Variants in NCOA2 observed in about 807,000 individuals in gnomAD.
The protein encoded by NCOA2 is class E basic helix-loop-helix protein 75.
A neutral mutation model predicts 145.1 loss-of-function variants in NCOA2; 21 were observed. The observed-to-expected ratio is 0.14, with a 90% confidence interval of 0.10 to 0.21. The LOEUF (loss-of-function observed/expected upper bound fraction) is 0.21, where lower values mean the gene tolerates loss of function less well. Ranked by LOEUF, NCOA2 falls within the 10% of genes least tolerant of loss-of-function variation. The probability of loss-of-function intolerance (pLI) is 1.00; values close to 1 mark genes in which losing one functional copy is unlikely to be tolerated. For synonymous variants in NCOA2, 619 were observed against 637.5 expected, an observed-to-expected ratio of 0.97 and a Z score of 0.44; for missense variants, 1,472 against 1,837.6, an observed-to-expected ratio of 0.80 and a Z score of 3.64.
At chr8:70,216,510 T>C (rs904193190) in intron 3 of NCOA2, 150 bp downstream of exon 3, 2 of 628,964 alleles carry the variant, frequency 3.2e-6, no homozygotes, top group Non-Finnish European at 5.7e-6. Flanking sequence ...ATTCAAAATG[T>C]AAGCAAGTAC....
At chr8:70,447,366 T>C in the NCOA2 span, among the ~76,000 whole-genome samples, 85,841 of 151,952 alleles carry the variant, frequency 0.56, 25,569 homozygotes, top group African/African-American at 0.75. Flanking sequence ...CATGACAAGC[T>C]CAGGCAATAA....
At chr8:70,349,200 G>A (rs938486518) in intron 1 of NCOA2, among the ~76,000 whole-genome samples, 5 of 151,660 alleles carry the variant, frequency 3.3e-5, no homozygotes, top group Admixed American at 2.6e-4. Context: ...GTGACGTCAA[G>A]AAAATCAAGC....
chr8:70,445,596 C>A, the NCOA2 span, among the ~76,000 whole-genome samples: 11 of 152,146 alleles, frequency 7.2e-5, no homozygotes, highest in Non-Finnish European at 1.6e-4. Flanking sequence ...TGCCCCAAGA[C>A]CCCCCACGCC....
At chr8:70,383,252 A>T (rs1225414148) in intron 1 of NCOA2, among the ~76,000 whole-genome samples, 1 of 152,124 alleles carries the variant, frequency 6.6e-6, no homozygotes, top group Non-Finnish European at 1.5e-5. Flanking sequence ...CAGCAACCAG[A>T]TCTAAGAGGA....
Position 70,128,451 on chromosome 8 carries a change from C to T in NCOA2, c.3663G>A (p.Arg1221=), listed in dbSNP as rs755855782. The T allele has an allele frequency of 8.1e-6, 13 of 1,612,610 alleles. No individual in the cohort carries two copies. The East Asian group carries it at 2.7e-4, about 33-fold the overall frequency. ...GCCTTACCTGTGTTGGTACTCCAGG[C>T]CTCAGAGTCAAGTTCACATTGGAAA... ...SNVSNVNLTL[R]PGVPTQAPIN... The change falls in exon 18 of 23, where the codon AGG becomes AGA. Residue 1221 remains arginine (R), a synonymous_variant. Coordinates refer to ENST00000452400, the MANE Select transcript of NCOA2 (RefSeq NM_006540.4).
In NCOA2 at chr8:70,141,210, G is replaced by A. The variant is rs747409806; in HGVS notation, c.3002C>T (p.Thr1001Met). 6.9e-5 allele frequency: 111 copies of A among 1,613,546 alleles called. No homozygotes were observed. Among genetic ancestry groups the A allele is most frequent in the East Asian group, 2.9e-4 (13 of 44,850 alleles). The change falls in exon 14 of 23, where the codon ACG becomes ATG. Residue 1001 changes from threonine (T) to methionine (M), a missense_variant. Thr to Met is a moderately conservative substitution (Grantham distance 81, BLOSUM62 -1). Around this residue, in one of 4 missense-constraint regions of NCOA2, gnomAD observed 953 missense variants for 1,062.1 expected, o/e 0.90. Transcript: ENST00000452400. The stretch of plus-strand genomic sequence containing the variant: ...TATATTCATGACCTGAGACTGAAGC[G>A]TCTGTCTTTGGCCAGGCTGGCTGCT... ...RPSSQPGQRQTLQSQVMNIGP... is the reference protein window; with the variant it reads ...RPSSQPGQRQMLQSQVMNIGP...
intron 1 of NCOA2, among the ~76,000 whole-genome samples, chr8:70,312,076 T>C (rs1258888093): frequency 1.3e-5 from 2 of 152,202 alleles, no homozygotes; most frequent in East Asian, 3.8e-4. Flanking sequence ...CATGGTTTGA[T>C]TAAAGTCACT....
intron 2 of NCOA2, among the ~76,000 whole-genome samples, chr8:70,220,108 C>T (rs901753961): frequency 1.3e-5 from 2 of 152,002 alleles, no homozygotes; most frequent in Admixed American, 1.3e-4. Context: ...TTTTGTAGAT[C>T]GAAGTTAAAA....
chr8:70,379,533 G>A (rs74381970), intron 1 of NCOA2, among the ~76,000 whole-genome samples: 5,115 of 152,144 alleles, frequency 0.034, 142 homozygotes, highest in Non-Finnish European at 0.048. Context: ...CCACATATCA[G>A]CAGTTCATGT....
At chr8:70,256,096 A>G (rs148285093) in intron 2 of NCOA2, among the ~76,000 whole-genome samples, 1 of 152,262 alleles carries the variant, frequency 6.6e-6, no homozygotes, top group East Asian at 1.9e-4. Flanking sequence ...ACATTTAAGG[A>G]TATGTTCTTA....
rs527653352 is a variant in NCOA2, at chr8:70,277,014, A to C, written c.-20+19730T>G. Reference sequence around the variant, plus strand: ...GCACAAATACTTTCTCTTAAAAAACAATTTCTAAGACCCCATTTAAGCAGA... The same window carrying C: ...GCACAAATACTTTCTCTTAAAAAACCATTTCTAAGACCCCATTTAAGCAGA... On this transcript the variant is annotated intron_variant, in intron 2 of 22. Coordinates refer to ENST00000452400, the MANE Select transcript of NCOA2 (RefSeq NM_006540.4). Among the ~76,000 whole-genome samples the C allele has an allele frequency of 8.2e-4, 125 of 152,184 alleles. 1 individual carries two copies. The highest frequency in any genetic ancestry group is 2.4e-3 in the Admixed American group (36 of 15,280).
At chr8:70,165,230 A>G (rs910849741) in intron 7 of NCOA2, among the ~76,000 whole-genome samples, 1 of 152,230 alleles carries the variant, frequency 6.6e-6, no homozygotes, top group African/African-American at 2.4e-5. Flanking sequence ...TTGAAATACT[A>G]TGTGTTTATT....
intron 5 of NCOA2, 134 bp from the exon 6 acceptor site, chr8:70,170,513 C>T (rs1157173208): frequency 4.0e-6 from 3 of 741,676 alleles, no homozygotes; most frequent in Non-Finnish European, 6.1e-6. Flanking sequence ...TCAGCCCTCT[C>T]CCAGTTTTCA....
chr8:70,277,420 C>T (rs568929847), intron 2 of NCOA2, among the ~76,000 whole-genome samples: 3 of 152,250 alleles, frequency 2.0e-5, no homozygotes, highest in African/African-American at 7.2e-5. Context: ...TTTACTGGTT[C>T]TTCTGTAAAG....
intron 1 of NCOA2, among the ~76,000 whole-genome samples, chr8:70,335,459 C>T (rs544420448): frequency 6.6e-6 from 1 of 152,166 alleles, no homozygotes; most frequent in African/African-American, 2.4e-5. Context: ...ACACACATAA[C>T]AAAAATTTGC....
At chr8:70,440,806 A>G in the NCOA2 span, among the ~76,000 whole-genome samples, 1 of 151,616 alleles carries the variant, frequency 6.6e-6, no homozygotes. Flanking sequence ...AGAAATAAAG[A>G]CAAGAAAGGA....
chr8:70,254,378 A>G (rs924836182), intron 2 of NCOA2, among the ~76,000 whole-genome samples: 2 of 152,252 alleles, frequency 1.3e-5, no homozygotes, highest in Non-Finnish European at 2.9e-5. Context: ...GTATGTATCC[A>G]AAAGAACTGA....
intron 2 of NCOA2, among the ~76,000 whole-genome samples, chr8:70,263,258 G>C (rs979452736): frequency 1.3e-5 from 2 of 149,154 alleles, no homozygotes; most frequent in African/African-American, 5.0e-5. Flanking sequence ...ACAAAGGGAG[G>C]ATTCCCCTCC....
intron 2 of NCOA2, among the ~76,000 whole-genome samples, chr8:70,233,097 C>T (rs956956370): frequency 3.5e-5 from 1 of 28,820 alleles, no homozygotes; most frequent in Non-Finnish European, 7.6e-5. Flanking sequence ...TGGTGGTGTC[C>T]GCCTGTACTC....
Sources: allele counts gnomAD v4.1 joint callset (sites outside exome capture counted in the v4.1 genomes callset), GRCh38; gene constraint gnomAD v4.1.1; regional missense constraint gnomAD v4.1.1; transcripts MANE v1.5; gene names NCBI Gene and HGNC (gene_info 2026-07-23, HGNC 2026-07-21).